Variants in CNBD1 observed in about 807,000 individuals in gnomAD.
CNBD1 encodes cyclic nucleotide-binding domain-containing protein 1.
Under a neutral mutation model 54.4 loss-of-function variants are expected in CNBD1, and 71 were observed. The ratio of observed to expected loss-of-function variants is 1.30; its 90% CI spans 1.08 to 1.59. CNBD1 has a LOEUF of 1.59. CNBD1 is among the 40% of genes most tolerant of loss of function. The pLI, the probability that CNBD1 is intolerant of heterozygous loss-of-function variation, is 0.00. For synonymous variants in CNBD1, 182 were observed against 170.7 expected (o/e 1.07, Z -0.51); for missense variants, 659 against 518.0 (o/e 1.27, Z -2.64).
intron 2 of CNBD1, among the ~76,000 whole-genome samples, chr8:87,417,865 T>G (rs1430475696): frequency 6.6e-6 from 1 of 151,038 alleles, no homozygotes; most frequent in Admixed American, 6.6e-5. Flanking sequence ...ATGTTTAACT[T>G]GGATATGGAA....
chr8:87,227,929 T>G (rs1301602915), intron 5 of CNBD1, among the ~76,000 whole-genome samples: 3 of 149,142 alleles, frequency 2.0e-5, no homozygotes, highest in Non-Finnish European at 3.0e-5. Flanking sequence ...TCTTGGAGGC[T>G]TTGCTCATTT....
At chr8:87,083,014 A>AT (rs1811027525) in intron 4 of CNBD1, among the ~76,000 whole-genome samples, 1 of 152,104 alleles carries the variant, frequency 6.6e-6, no homozygotes, top group African/African-American at 2.4e-5. Context: ...CTAAGCTCTG[A>AT]TTTTTTCTTA....
downstream of CNBD1, among the ~76,000 whole-genome samples, chr8:87,387,757 T>C (rs1811220996): frequency 6.6e-6 from 1 of 152,194 alleles, no homozygotes; most frequent in Admixed American, 6.5e-5. Context: ...CAAGAGGACC[T>C]AATAGACATC....
chr8:86,892,865 T>A (rs1808793966), intron 2 of CNBD1, among the ~76,000 whole-genome samples: 1 of 152,186 alleles, frequency 6.6e-6, no homozygotes, highest in South Asian at 2.1e-4. Flanking sequence ...TTCTGTTGGC[T>A]TTCCGGACAT....
chr8:87,087,545 A>G (rs1198025799), intron 4 of CNBD1, among the ~76,000 whole-genome samples: 1 of 148,252 alleles, frequency 6.7e-6, no homozygotes, highest in Middle Eastern at 3.2e-3. Context: ...CTCACTGCAA[A>G]CTCCGCCTCC....
intron 4 of CNBD1, among the ~76,000 whole-genome samples, chr8:87,152,066 C>T (rs1812615459): frequency 6.6e-6 from 1 of 151,666 alleles, no homozygotes; most frequent in Non-Finnish European, 1.5e-5. Context: ...CTAGTATGCA[C>T]ATTAAAGTTT....
At chr8:87,373,816 G>C (rs1192647622) in intron 10 of CNBD1, among the ~76,000 whole-genome samples, 1 of 151,764 alleles carries the variant, frequency 6.6e-6, no homozygotes, top group South Asian at 2.1e-4. Flanking sequence ...CCAAGTTTCT[G>C]TGTAAACCTT....
At chr8:87,386,541 A>T (rs1045075881), downstream of CNBD1, among the ~76,000 whole-genome samples, 5 of 151,874 alleles carry the variant, frequency 3.3e-5, no homozygotes, top group Admixed American at 6.6e-5. Flanking sequence ...GAATGAAATG[A>T]AGTGAGAATT....
In CNBD1 at chr8:87,401,855, G is replaced by A. The variant is rs147033005; in HGVS notation, c.214-26691G>A. ...CAATATCATTTGATAATTAAACACA[G>A]AATAACAGGTAGGCCTGAATGATAT... On this transcript the variant is annotated intron_variant, in intron 2 of 7. Transcript: ENST00000521593. Among the ~76,000 whole-genome samples the A allele has an allele frequency of 3.9e-3, 594 of 152,048 alleles. 7 individuals are homozygous for A. Among genetic ancestry groups the A allele is most frequent in the African/African-American group, 0.014 (569 of 41,530 alleles).
intron 9 of CNBD1, among the ~76,000 whole-genome samples, chr8:87,352,625 C>A (rs962516520): frequency 6.6e-6 from 1 of 151,926 alleles, no homozygotes; most frequent in Non-Finnish European, 1.5e-5. Context: ...ATTATGGATA[C>A]TTGTAAGAAT....
intron 6 of CNBD1, among the ~76,000 whole-genome samples, chr8:87,270,733 C>T (rs902481069): frequency 6.6e-6 from 1 of 151,568 alleles, no homozygotes; most frequent in Non-Finnish European, 1.5e-5. Context: ...GTGTCCTAGT[C>T]TTGTTTTGCT....
chr8:87,094,804 G>A (rs577932239), intron 4 of CNBD1, among the ~76,000 whole-genome samples: 4 of 152,282 alleles, frequency 2.6e-5, no homozygotes, highest in South Asian at 2.1e-4. Context: ...TTGGGAGGCC[G>A]AGGCAGGTGG....
intron 1 of CNBD1, among the ~76,000 whole-genome samples, chr8:86,870,072 T>C (rs1000526394): frequency 3.3e-4 from 50 of 152,108 alleles, no homozygotes; most frequent in African/African-American, 8.9e-4. Flanking sequence ...AAAAATGTTT[T>C]AATTCACCAG....
intron 4 of CNBD1, among the ~76,000 whole-genome samples, chr8:87,043,815 T>C (rs954942105): frequency 6.6e-6 from 1 of 152,250 alleles, no homozygotes; most frequent in Non-Finnish European, 1.5e-5. Context: ...CATTATTTCT[T>C]TAGCGTAGCA....
intron 2 of CNBD1, among the ~76,000 whole-genome samples, chr8:87,410,535 G>A (rs1027853029): frequency 1.3e-5 from 2 of 152,198 alleles, no homozygotes; most frequent in Admixed American, 1.3e-4. Flanking sequence ...GTGGTTTCTT[G>A]AGATACATCA....
At chr8:87,289,799 A>G (rs13275269) in intron 8 of CNBD1, among the ~76,000 whole-genome samples, 56,483 of 151,818 alleles carry the variant, frequency 0.37, 11,673 homozygotes, top group Non-Finnish European at 0.47. Flanking sequence ...TTTGACATCA[A>G]TCTCTTCCAG....
In CNBD1 at chr8:87,094,188, G is replaced by A. The variant is rs137855654; in HGVS notation, c.432-111805G>A. Among the ~76,000 whole-genome samples the A allele has an allele frequency of 3.4e-3, 520 of 152,158 alleles. 18 individuals carry two copies. Among genetic ancestry groups the A allele is most frequent in the Admixed American group, 0.027 (412 of 15,284 alleles). On this transcript the variant is annotated intron_variant, in intron 4 of 10. Coordinates refer to ENST00000518476, the MANE Select transcript of CNBD1 (RefSeq NM_173538.3). Reference sequence around the variant, plus strand: ...AGCAAACAGACTAAAGGCTTAGGTTGCGCACAACGCTCACTTTATCACTTT... The same window carrying A: ...AGCAAACAGACTAAAGGCTTAGGTTACGCACAACGCTCACTTTATCACTTT...
At chr8:87,039,754 TG>T (rs1810025734) in intron 4 of CNBD1, among the ~76,000 whole-genome samples, 1 of 152,172 alleles carries the variant, frequency 6.6e-6, no homozygotes, top group African/African-American at 2.4e-5. Flanking sequence ...GACAATTTGT[TG>T]GATAGGGGCC....
At chr8:87,023,158 CT>C (rs1267007724) in intron 4 of CNBD1, among the ~76,000 whole-genome samples, 1 of 152,122 alleles carries the variant, frequency 6.6e-6, no homozygotes, top group African/African-American at 2.4e-5. Context: ...AGAATTTATA[CT>C]AATGTTCATG....
Sources: allele counts gnomAD v4.1 joint callset (sites outside exome capture counted in the v4.1 genomes callset), GRCh38; gene constraint gnomAD v4.1.1; transcripts MANE v1.5; gene names NCBI Gene and HGNC (gene_info 2026-07-23, HGNC 2026-07-21).